Variants in GRIN3A observed in about 807,000 individuals in gnomAD.
GRIN3A encodes glutamate ionotropic receptor NMDA type subunit 3A.
GRIN3A carries 47 observed loss-of-function variants against 92.4 expected under a neutral mutation model. That is an observed-to-expected ratio of 0.51 (90% CI 0.40 to 0.65). The LOEUF is 0.65. Among genes scored for constraint, GRIN3A ranks in the 30% least tolerant of loss-of-function variants. The pLI is 0.00. For missense variants in GRIN3A, 1,324 were observed against 1,393.1 expected (o/e 0.95, Z 0.79); for synonymous variants, 527 against 540.6 (o/e 0.97, Z 0.35).
chr9:101,683,783 C>A (rs1829492529), intron 2 of GRIN3A, among the ~76,000 whole-genome samples: 1 of 147,866 alleles, frequency 6.8e-6, no homozygotes, highest in South Asian at 2.1e-4. Context: ...GAATAAATAG[C>A]CACGAGGGCA....
intron 1 of GRIN3A, among the ~76,000 whole-genome samples, chr9:101,731,078 C>T (rs375801915): frequency 2.0e-5 from 3 of 151,926 alleles, no homozygotes; most frequent in East Asian, 1.9e-4. Flanking sequence ...CATTGTACTC[C>T]GTTAAAAAAT....
At chr9:101,732,706 T>TAGGG (rs1830155006) in intron 1 of GRIN3A, among the ~76,000 whole-genome samples, 1 of 152,190 alleles carries the variant, frequency 6.6e-6, no homozygotes, top group South Asian at 2.1e-4. Context: ...TAGTTGAACT[T>TAGGG]TAACACTTAA....
chr9:101,573,187 G>A lies in GRIN3A; in HGVS notation c.3335C>T (p.Thr1112Ile). 1 of 1,613,966 alleles carries A rather than the reference G, an allele frequency of 6.2e-7. No individual in the cohort carries two copies. Among genetic ancestry groups the A allele is most frequent in the Non-Finnish European group, 8.5e-7 (1 of 1,179,860 alleles). ...CAGTGTGGTCACCTAGGACTCACAA[G>A]TCCGACTTGTCCTTTGATACTCCTC... ...ELEEYQRTSRTCES is the reference protein window; with the variant it reads ...ELEEYQRTSRICES Residue 1112 changes from threonine (T) to isoleucine (I), a missense_variant, in exon 9 of 9, where the codon ACT (threonine) becomes ATT (isoleucine). Transcript: ENST00000361820.
intron 1 of GRIN3A, among the ~76,000 whole-genome samples, chr9:101,715,065 A>G (rs1167557983): frequency 6.6e-6 from 1 of 152,114 alleles, no homozygotes; most frequent in Non-Finnish European, 1.5e-5. Context: ...TGCCATTCAT[A>G]TACTCAATAT....
At chr9:101,666,529 A>G (rs1829238605) in intron 3 of GRIN3A, among the ~76,000 whole-genome samples, 2 of 151,992 alleles carry the variant, frequency 1.3e-5, no homozygotes, top group African/African-American at 4.8e-5. Flanking sequence ...CAGGAAAAAC[A>G]ACTGATGGGT....
intron 6 of GRIN3A, among the ~76,000 whole-genome samples, chr9:101,590,820 CT>C (rs1400356899): frequency 6.6e-6 from 1 of 152,114 alleles, no homozygotes; most frequent in African/African-American, 2.4e-5. Flanking sequence ...GGAATTTATA[CT>C]TTTTTTAAAT....
At chr9:101,708,262 A>G (rs558506231) in intron 1 of GRIN3A, among the ~76,000 whole-genome samples, 155 of 152,160 alleles carry the variant, frequency 1.0e-3, no homozygotes, top group Non-Finnish European at 1.9e-3. Flanking sequence ...AGTAAATTAG[A>G]CTTCATGATT....
At position 101,737,480 on chromosome 9, in the gene GRIN3A, G is replaced by T. The variant is rs1232505348; in HGVS notation, c.500C>A (p.Ser167Tyr). The change falls in exon 1 of 9, where the codon TCC (serine) becomes TAC (tyrosine). Residue 167 changes from serine (S) to tyrosine (Y), a missense_variant. Coordinates refer to ENST00000361820, the MANE Select transcript of GRIN3A (RefSeq NM_133445.3). ...GLGDLPLLPF[S>Y]SPSSPWSSDP... Reference sequence around the variant, plus strand: ...ACTGCTCCATGGCGAACTAGGGGAGGAGAAGGGCAAAAGTGGCAGATCGCC... The same window carrying T: ...ACTGCTCCATGGCGAACTAGGGGAGTAGAAGGGCAAAAGTGGCAGATCGCC... 6.2e-7 allele frequency: 1 copy of T among 1,614,268 alleles called. No individual in the cohort carries two copies. Among genetic ancestry groups the T allele is most frequent in the East Asian group, 2.2e-5 (1 of 44,880 alleles).
intron 8 of GRIN3A, among the ~76,000 whole-genome samples, chr9:101,575,505 A>C (rs1045523684): frequency 6.6e-6 from 1 of 152,076 alleles, no homozygotes; most frequent in Non-Finnish European, 1.5e-5. Context: ...GATAGACCAA[A>C]ACCTTATGTG....
At chr9:101,641,403 T>TA (rs1828860498) in intron 3 of GRIN3A, among the ~76,000 whole-genome samples, 1 of 152,170 alleles carries the variant, frequency 6.6e-6, no homozygotes, top group African/African-American at 2.4e-5. Flanking sequence ...CCAACAACGA[T>TA]AGATTGGATT....
chr9:101,671,721 T>C (rs1024160243), intron 2 of GRIN3A, among the ~76,000 whole-genome samples: 1 of 152,174 alleles, frequency 6.6e-6, no homozygotes, highest in African/African-American at 2.4e-5. Flanking sequence ...TGAAGCTGCA[T>C]GTTGGATCTC....
chr9:101,645,373 T>C (rs1422615956), intron 3 of GRIN3A, among the ~76,000 whole-genome samples: 5 of 151,886 alleles, frequency 3.3e-5, no homozygotes, highest in Non-Finnish European at 7.4e-5. Context: ...TGTCACGTTT[T>C]CTTTATCCAC....
At chr9:101,594,477 A>C in intron 6 of GRIN3A, 1 of 1,614,140 alleles carries the variant, frequency 6.2e-7, no homozygotes, top group Middle Eastern at 1.6e-4. Flanking sequence ...TCCTCAAAGG[A>C]TATCTTCCCA....
chr9:101,693,048 T>G (rs1392611442), intron 1 of GRIN3A, among the ~76,000 whole-genome samples: 1 of 152,008 alleles, frequency 6.6e-6, no homozygotes, highest in Non-Finnish European at 1.5e-5. Context: ...CCCCCTTTAA[T>G]AGAAGACAAA....
chr9:101,661,577 A>G (rs1041483407), intron 3 of GRIN3A, among the ~76,000 whole-genome samples: 3 of 151,876 alleles, frequency 2.0e-5, no homozygotes, highest in African/African-American at 7.2e-5. Flanking sequence ...GCTGCATTTT[A>G]TAGCATATGG....
chr9:101,723,447 A>G (rs911514627), intron 1 of GRIN3A, among the ~76,000 whole-genome samples: 24 of 152,202 alleles, frequency 1.6e-4, no homozygotes, highest in Non-Finnish European at 2.8e-4. Context: ...TCATAAAAGC[A>G]GCGTGGACCC....
Position 101,738,065 on chromosome 9 carries a change from G to T in GRIN3A, c.-86C>A. 2.6e-6 allele frequency: 3 copies of T among 1,162,592 alleles called. No homozygotes were observed. The highest frequency in any genetic ancestry group is 3.7e-6 in the Non-Finnish European group (3 of 808,390). 72.0% of individuals were successfully genotyped at this position (1,162,592 alleles called of 1,614,324 possible). ...CGCTGCCTGAGGTCTCCGCCTCCAG[G>T]TCCCGCGCGCAGCTTCACTCCACTC... On this transcript the variant is annotated 5_prime_UTR_variant, in exon 1 of 9. Transcript: ENST00000361820.
At chr9:101,594,285 A>G (rs1299122682) in intron 6 of GRIN3A, 10 of 1,257,928 alleles carry the variant, frequency 7.9e-6, no homozygotes, top group Non-Finnish European at 1.1e-5. Context: ...CTGTTAGGAC[A>G]TATGGCTTCA....
intron 1 of GRIN3A, among the ~76,000 whole-genome samples, chr9:101,726,330 C>T (rs1320842022): frequency 1.3e-5 from 2 of 152,152 alleles, no homozygotes; most frequent in East Asian, 3.8e-4. Flanking sequence ...GAAGAATCAG[C>T]TGGTATCCCG....
Sources: gnomAD v4.1 joint callset for allele counts (sites outside exome capture counted in the v4.1 genomes callset) on GRCh38, gnomAD v4.1.1 for gene constraint, MANE v1.5 for transcripts, NCBI Gene and HGNC (gene_info 2026-07-23, HGNC 2026-07-21) for gene names.